Variants in PEPD observed in about 807,000 individuals in gnomAD.
PEPD encodes the protein peptidase D.
PEPD carries 53 observed loss-of-function variants against 60.7 expected under a neutral mutation model. That is an observed-to-expected ratio of 0.87 (90% CI 0.70 to 1.10). The LOEUF is 1.10. PEPD is among the 50% of genes least tolerant of loss of function. The pLI is 0.00. For missense variants in PEPD, 711 were observed against 711.9 expected (o/e 1.00, Z 0.01); for synonymous variants, 267 against 284.1 (o/e 0.94, Z 0.60).
intron 11 of PEPD, among the ~76,000 whole-genome samples, chr19:33,406,449 A>G (rs1968626387): frequency 6.6e-6 from 1 of 152,224 alleles, no homozygotes; most frequent in Non-Finnish European, 1.5e-5. Context: ...GACCCTCCTG[A>G]GGGCGTTCTG....
rs573469106 is a variant in PEPD at position 33,428,576 on chromosome 19, C to T, written c.672-14933G>A. On this transcript the variant is annotated intron_variant, in intron 9 of 14. Coordinates refer to ENST00000244137, the MANE Select transcript of PEPD (RefSeq NM_000285.4). Reference sequence around the variant, plus strand: ...ACCGCCAGTTACCATCCAAAACCACCGTGGGCCAGGCTGACGCCCCTCTCC... The same window carrying T: ...ACCGCCAGTTACCATCCAAAACCACTGTGGGCCAGGCTGACGCCCCTCTCC... 9.2e-5 allele frequency among the ~76,000 whole-genome samples: 14 copies of T among 152,338 alleles called. 1 individual carries two copies. Among genetic ancestry groups the T allele is most frequent in the South Asian group, 8.3e-4 (4 of 4,832 alleles).
intron 12 of PEPD, chr19:33,395,075 C>A (rs1968329974): frequency 6.6e-6 from 1 of 152,210 alleles, no homozygotes; most frequent in Admixed American, 6.5e-5. Flanking sequence ...GTGGCTGGAC[C>A]AAGGCCACGG....
At chr19:33,473,864 T>C (rs537048709) in intron 7 of PEPD, among the ~76,000 whole-genome samples, 12 of 152,252 alleles carry the variant, frequency 7.9e-5, no homozygotes, top group Non-Finnish European at 1.6e-4. Flanking sequence ...AGTATGATTA[T>C]AGAGGAATTT....
chr19:33,442,008 A>G (rs954382830), intron 9 of PEPD, among the ~76,000 whole-genome samples: 8 of 152,200 alleles, frequency 5.3e-5, no homozygotes, highest in Non-Finnish European at 4.4e-5. Context: ...CTGGGGCCAA[A>G]GATCAGGGTT....
intron 12 of PEPD, among the ~76,000 whole-genome samples, chr19:33,395,608 C>T (rs916615026): frequency 8.5e-5 from 13 of 152,210 alleles, no homozygotes; most frequent in African/African-American, 2.9e-4. Context: ...AGGCAGCACC[C>T]GCTCCTGCTG....
chr19:33,393,229 CCCGGGGT>C (rs536462355), intron 12 of PEPD, among the ~76,000 whole-genome samples: 43,319 of 133,594 alleles, frequency 0.32, 6,992 homozygotes, highest in African/African-American at 0.42. Context: ...GGGAGGCCGT[CCCGGGGT>C]CTGGGGTCTG....
At chr19:33,501,151 T>A (rs111717386) in intron 3 of PEPD, 150 bp from the exon 4 acceptor site, 34 of 711,508 alleles carry the variant, frequency 4.8e-5, no homozygotes, top group Non-Finnish European at 8.5e-5. Context: ...ACCGAACAGG[T>A]CGGCCCAACA....
chr19:33,461,189 G>A (rs144045673), intron 9 of PEPD, among the ~76,000 whole-genome samples: 155 of 152,250 alleles, frequency 1.0e-3, no homozygotes, highest in Non-Finnish European at 1.7e-3. Context: ...GCTATGACAC[G>A]ATGTCTAGGA....
intron 9 of PEPD, among the ~76,000 whole-genome samples, chr19:33,455,112 G>C (rs1969772042): frequency 6.6e-6 from 1 of 152,186 alleles, no homozygotes; most frequent in African/African-American, 2.4e-5. Context: ...GGAACAGGAG[G>C]AGGGCATTAG....
chr19:33,451,905 T>C (rs1480702803), intron 9 of PEPD, among the ~76,000 whole-genome samples: 1 of 152,186 alleles, frequency 6.6e-6, no homozygotes, highest in Middle Eastern at 3.2e-3. Flanking sequence ...AGACAAAATC[T>C]ATCATGAATC....
rs375354020 is a variant in PEPD at position 33,401,830 on chromosome 19, G to A, written c.858C>T (p.Ser286=). 2.3e-4 allele frequency: 375 copies of A among 1,613,080 alleles called. No homozygotes were observed. The highest frequency in any genetic ancestry group is 2.9e-4 in the Non-Finnish European group (346 of 1,179,916). ...DMGGEYYCFA[S]DITCSFPANG... ...TGGCGGGAAAGGAGCAGGTGATGTC[G>A]GAAGCGAAGCAGTAATACTCACCGC... Residue 286 remains serine (S), a synonymous_variant, in exon 12 of 15, where the codon TCC becomes TCT. Transcript: ENST00000244137.
Position 33,413,618 on chromosome 19 carries a change from G to T in PEPD, c.697C>A (p.Arg233=). Residue 233 remains arginine, a synonymous_variant, in exon 10 of 15, where the codon CGG becomes AGG. Coordinates refer to ENST00000244137, the MANE Select transcript of PEPD (RefSeq NM_000285.4). The part of the protein sequence containing the change: ...ESLFEHYCYS[R]GGMRHSSYTC... The stretch of plus-strand genomic sequence containing the variant: ...TAGGAGCTGTGGCGCATGCCGCCCC[G>T]GGAGTAGCAGTAGTGCTCGAAGAGG... The T allele has an allele frequency of 6.3e-7, 1 of 1,588,508 alleles. No individual in the cohort carries two copies. The highest frequency in any genetic ancestry group is 8.6e-7 in the Non-Finnish European group (1 of 1,166,940).
At chr19:33,407,420 C>A (rs1968654604) in intron 11 of PEPD, among the ~76,000 whole-genome samples, 1 of 152,180 alleles carries the variant, frequency 6.6e-6, no homozygotes, top group South Asian at 2.1e-4. Flanking sequence ...AAGGAGGGGG[C>A]AGCACATGGG....
At chr19:33,396,247 G>A (rs1008607066) in intron 12 of PEPD, 16 of 152,476 alleles carry the variant, frequency 1.0e-4, no homozygotes, top group African/African-American at 3.9e-4. Context: ...GGAGGATGAG[G>A]ACTGACAGGA....
At chr19:33,416,308 C>A (rs113239504) in intron 9 of PEPD, among the ~76,000 whole-genome samples, 3 of 152,258 alleles carry the variant, frequency 2.0e-5, no homozygotes, top group African/African-American at 7.2e-5. Flanking sequence ...CCTCCAAGTG[C>A]GAGGCAGGAG....
At chr19:33,409,986 C>T (rs1968725703) in intron 11 of PEPD, among the ~76,000 whole-genome samples, 1 of 152,246 alleles carries the variant, frequency 6.6e-6, no homozygotes, top group Admixed American at 6.5e-5. Flanking sequence ...GAAAGCTGAG[C>T]TCCGCTCTGA....
intron 9 of PEPD, among the ~76,000 whole-genome samples, chr19:33,434,655 C>T (rs973638151): frequency 2.0e-5 from 3 of 151,954 alleles, no homozygotes; most frequent in Non-Finnish European, 2.9e-5. Context: ...GAAAGTTTAT[C>T]GTGAATGAGG....
chr19:33,418,253 A>G (rs1272414687), intron 9 of PEPD, among the ~76,000 whole-genome samples: 1 of 152,272 alleles, frequency 6.6e-6, no homozygotes, highest in South Asian at 2.1e-4. Flanking sequence ...TTCTGGGTAC[A>G]CATGACCATA....
At chr19:33,519,496 C>A (rs768803134) in intron 1 of PEPD, among the ~76,000 whole-genome samples, 11 of 152,232 alleles carry the variant, frequency 7.2e-5, no homozygotes, top group Admixed American at 2.0e-4. Flanking sequence ...TTATGCCTGA[C>A]TCTATGATCT....
Sources: gnomAD v4.1 joint callset for allele counts (sites outside exome capture counted in the v4.1 genomes callset) on GRCh38, gnomAD v4.1.1 for gene constraint, MANE v1.5 for transcripts, NCBI Gene and HGNC (gene_info 2026-07-23, HGNC 2026-07-21) for gene names.